The following DIAPH3 variants were observed in gnomAD, a reference collection of about 807,000 sequenced individuals.
DIAPH3 encodes diaphanous related formin 3.
In DIAPH3, 117 loss-of-function variants were observed where a neutral mutation model predicts 144.3. That is an observed-to-expected ratio of 0.81 (90% CI 0.70 to 0.95). The LOEUF (loss-of-function observed/expected upper bound fraction) is 0.95. Ranked by LOEUF, DIAPH3 falls within the 40% of genes least tolerant of loss-of-function variation. DIAPH3 has a pLI of 0.00. For missense variants in DIAPH3, 1,421 were observed against 1,412.7 expected (o/e 1.01, Z -0.09); for synonymous variants, 519 against 488.9 (o/e 1.06, Z -0.81).
At chr13:59,818,017 T>C (rs912789680) in intron 24 of DIAPH3, among the ~76,000 whole-genome samples, 1 of 152,000 alleles carries the variant, frequency 6.6e-6, no homozygotes, top group East Asian at 1.9e-4. Flanking sequence ...TTGTTGCTTC[T>C]TTAAATACAA....
chr13:59,694,951 T>G (rs1357071952), intron 27 of DIAPH3, among the ~76,000 whole-genome samples: 1 of 152,192 alleles, frequency 6.6e-6, no homozygotes, highest in African/African-American at 2.4e-5. Flanking sequence ...TTTTTAGACT[T>G]GTTAGTAAAA....
intron 23 of DIAPH3, among the ~76,000 whole-genome samples, chr13:59,837,210 G>A (rs2042084617): frequency 2.0e-5 from 3 of 152,028 alleles, no homozygotes; most frequent in Admixed American, 2.0e-4. Flanking sequence ...TCTAGGTTGT[G>A]ATATTTAATG....
intron 17 of DIAPH3, among the ~76,000 whole-genome samples, chr13:59,969,387 A>AT (rs1253850407): frequency 6.6e-5 from 10 of 151,968 alleles, no homozygotes; most frequent in African/African-American, 2.2e-4. Context: ...AGTCACTGTA[A>AT]TTTTTTTTGG....
intron 1 of DIAPH3, among the ~76,000 whole-genome samples, chr13:60,161,520 A>T (rs1294739061): frequency 6.6e-6 from 1 of 152,218 alleles, no homozygotes; most frequent in East Asian, 1.9e-4. Flanking sequence ...GCCCATGTTA[A>T]GATTTCCAGT....
intron 7 of DIAPH3, among the ~76,000 whole-genome samples, chr13:60,012,483 A>G (rs956881709): frequency 3.9e-5 from 6 of 152,270 alleles, no homozygotes; most frequent in African/African-American, 1.2e-4. Context: ...TGCCTTGCTA[A>G]TCATTCCAGG....
At chr13:59,761,960 G>A (rs773114898) in intron 27 of DIAPH3, among the ~76,000 whole-genome samples, 2 of 151,702 alleles carry the variant, frequency 1.3e-5, no homozygotes, top group Non-Finnish European at 2.9e-5. Flanking sequence ...TTACAACTTG[G>A]GTTTCTCCAA....
chr13:59,751,882 G>C (rs2037025163), intron 27 of DIAPH3, among the ~76,000 whole-genome samples: 1 of 152,146 alleles, frequency 6.6e-6, no homozygotes, highest in African/African-American at 2.4e-5. Context: ...CTGCAGTCAA[G>C]CTTCATAAAT....
At chr13:59,692,720 A>G (rs1038060968) in intron 27 of DIAPH3, among the ~76,000 whole-genome samples, 30 of 152,054 alleles carry the variant, frequency 2.0e-4, no homozygotes, top group Non-Finnish European at 1.5e-5. Flanking sequence ...AACCTACTCT[A>G]TTAGGCCTCT....
At chr13:60,105,719 C>T (rs183115236) in intron 3 of DIAPH3, among the ~76,000 whole-genome samples, 1 of 152,208 alleles carries the variant, frequency 6.6e-6, no homozygotes, top group Admixed American at 6.5e-5. Flanking sequence ...CTAGTCAAGC[C>T]TTAATACACT....
chr13:59,963,844 C>T (rs1269323027), intron 17 of DIAPH3, among the ~76,000 whole-genome samples: 3 of 152,170 alleles, frequency 2.0e-5, no homozygotes, highest in Non-Finnish European at 4.4e-5. Context: ...AGGCATGAGC[C>T]ATTGTGCCCA....
intron 27 of DIAPH3, among the ~76,000 whole-genome samples, chr13:59,719,115 T>C (rs1566218075): frequency 6.6e-6 from 1 of 152,144 alleles, no homozygotes; most frequent in Non-Finnish European, 1.5e-5. Flanking sequence ...AACAAAACAG[T>C]AGGCTGCTCT....
intron 27 of DIAPH3, among the ~76,000 whole-genome samples, chr13:59,755,880 C>T (rs1046444332): frequency 3.9e-5 from 6 of 152,140 alleles, no homozygotes; most frequent in African/African-American, 1.4e-4. Context: ...ATATCCTGTA[C>T]AGCCATATAA....
At chr13:59,966,186 C>T (rs367588112) in intron 17 of DIAPH3, among the ~76,000 whole-genome samples, 3 of 151,910 alleles carry the variant, frequency 2.0e-5, no homozygotes, top group Admixed American at 1.3e-4. Flanking sequence ...ACAGATATGG[C>T]ACAAGGTACT....
At chr13:60,055,753 C>T (rs2056531401) in intron 4 of DIAPH3, among the ~76,000 whole-genome samples, 1 of 151,868 alleles carries the variant, frequency 6.6e-6, no homozygotes, top group African/African-American at 2.4e-5. Flanking sequence ...ATACACATAT[C>T]TCTTCATTTG....
chr13:60,127,509 C>A (rs930966452), intron 2 of DIAPH3, among the ~76,000 whole-genome samples: 26 of 149,800 alleles, frequency 1.7e-4, no homozygotes, highest in African/African-American at 6.4e-4. Context: ...AACATATACA[C>A]AAAAAAAAAC....
At chr13:59,891,081 C>T (rs1477185108) in intron 20 of DIAPH3, among the ~76,000 whole-genome samples, 4 of 151,844 alleles carry the variant, frequency 2.6e-5, no homozygotes, top group African/African-American at 4.8e-5. Flanking sequence ...CATTATGTTT[C>T]CAAAATAGTC....
intron 27 of DIAPH3, among the ~76,000 whole-genome samples, chr13:59,751,660 A>G (rs7989658): frequency 0.26 from 40,045 of 152,112 alleles, 5,639 homozygotes; most frequent in African/African-American, 0.35. Context: ...AACCATATCT[A>G]AGCATTTTAT....
intron 24 of DIAPH3, among the ~76,000 whole-genome samples, chr13:59,815,219 T>C (rs978935471): frequency 1.3e-5 from 2 of 152,224 alleles, no homozygotes; most frequent in Non-Finnish European, 2.9e-5. Flanking sequence ...CTTCATTTTA[T>C]GGCTGTTTTA....
At chr13:60,135,714 T>C (rs1307832834) in intron 1 of DIAPH3, among the ~76,000 whole-genome samples, 2 of 152,196 alleles carry the variant, frequency 1.3e-5, no homozygotes, top group Admixed American at 1.3e-4. Context: ...AAAGTCAGAA[T>C]AGGTTTCATT....
Sources: allele counts gnomAD v4.1 joint callset (sites outside exome capture counted in the v4.1 genomes callset), GRCh38; gene constraint gnomAD v4.1.1; transcripts MANE v1.5; gene names NCBI Gene and HGNC (gene_info 2026-07-23, HGNC 2026-07-21).